TBC1D22A: variants seen among roughly 807,000 people sequenced by gnomAD.
The protein encoded by TBC1D22A is putative GTPase activator.
Under a neutral mutation model 60.2 loss-of-function variants are expected in TBC1D22A, and 38 were observed. The observed-to-expected ratio is 0.63, with a 90% CI of 0.49 to 0.83. The LOEUF is 0.83. Ranked by LOEUF, TBC1D22A falls within the 40% of genes least tolerant of loss-of-function variation. TBC1D22A has a pLI of 0.00. For missense variants in TBC1D22A, 628 were observed against 701.0 expected, an observed-to-expected ratio of 0.90 and a Z score of 1.18; for synonymous variants, 302 against 281.7, an observed-to-expected ratio of 1.07 and a Z score of -0.72.
chr22:46,920,973 G>T (rs2070724180), intron 8 of TBC1D22A, among the ~76,000 whole-genome samples: 1 of 151,878 alleles, frequency 6.6e-6, no homozygotes, highest in Non-Finnish European at 1.5e-5. Flanking sequence ...GTTTTACCAT[G>T]TTGGCCAGGC....
chr22:46,913,686 A>G, intron 8 of TBC1D22A: 1 of 985,438 alleles, frequency 1.0e-6, no homozygotes, highest in East Asian at 1.1e-4. Context: ...TAGACTTCAG[A>G]GTTGTTAATT....
intron 4 of TBC1D22A, among the ~76,000 whole-genome samples, chr22:46,802,618 C>T (rs1363624466): frequency 6.6e-6 from 1 of 152,290 alleles, no homozygotes; most frequent in African/African-American, 2.4e-5. Flanking sequence ...TTACTTCGAG[C>T]ACAGCATGAA....
At chr22:46,874,405 T>C (rs1032433306) in intron 4 of TBC1D22A, among the ~76,000 whole-genome samples, 2 of 152,094 alleles carry the variant, frequency 1.3e-5, no homozygotes, top group Non-Finnish European at 2.9e-5. Context: ...CCACAGACAG[T>C]GTAAAGGTGT....
At chr22:46,964,758 G>C (rs770607421) in intron 8 of TBC1D22A, among the ~76,000 whole-genome samples, 2 of 152,184 alleles carry the variant, frequency 1.3e-5, no homozygotes, top group Non-Finnish European at 2.9e-5. Context: ...GAAATGTATC[G>C]GTTCTGGATG....
chr22:46,912,814 C>T (rs1216508529), intron 8 of TBC1D22A, among the ~76,000 whole-genome samples: 2 of 152,208 alleles, frequency 1.3e-5, no homozygotes, highest in Non-Finnish European at 2.9e-5. Context: ...CTTCGCCTCC[C>T]AAAGTGCTGG....
At chr22:46,789,491 C>T (rs1248286518) in intron 1 of TBC1D22A, 6 of 307,234 alleles carry the variant, frequency 2.0e-5, no homozygotes, top group East Asian at 1.3e-4. Flanking sequence ...CTGTAAGGGC[C>T]GGAATAGTTT....
intron 12 of TBC1D22A, among the ~76,000 whole-genome samples, chr22:47,142,551 C>T (rs1215702281): frequency 3.1e-5 from 4 of 128,040 alleles, no homozygotes; most frequent in South Asian, 2.8e-4. Context: ...TCCATCCACC[C>T]ACCCACCCAT....
chr22:47,135,697 G>A (rs1601627087), intron 12 of TBC1D22A, among the ~76,000 whole-genome samples: 1 of 152,244 alleles, frequency 6.6e-6, no homozygotes, highest in Non-Finnish European at 1.5e-5. Context: ...ATCGCCCAGA[G>A]ATCCTGGTGC....
intron 12 of TBC1D22A, among the ~76,000 whole-genome samples, chr22:47,154,464 C>A (rs1021578176): frequency 6.6e-6 from 1 of 152,174 alleles, no homozygotes; most frequent in Non-Finnish European, 1.5e-5. Flanking sequence ...GACTCTTTGA[C>A]TGCAGTTTTC....
Position 47,155,490 on chromosome 22 carries a change from T to G in TBC1D22A, c.1426-18008T>G, listed in dbSNP as rs757190382. ...CCTGCACTCCGGGCTCCCAGGATGGTCTGGGAGTGGGAGAGAGGGAGGGAG... is the reference window on the plus strand; with the variant it reads ...CCTGCACTCCGGGCTCCCAGGATGGGCTGGGAGTGGGAGAGAGGGAGGGAG... On this transcript the variant is annotated intron_variant, in intron 12 of 12. Coordinates refer to ENST00000337137, the MANE Select transcript of TBC1D22A (RefSeq NM_014346.5). Among the ~76,000 whole-genome samples the G allele has an allele frequency of 2.6e-5, 4 of 152,120 alleles. No homozygotes were observed. The South Asian group carries it at 8.3e-4, about 32-fold the overall frequency.
chr22:46,941,154 C>A, intron 8 of TBC1D22A, among the ~76,000 whole-genome samples: 1 of 113,304 alleles, frequency 8.8e-6, no homozygotes, highest in Non-Finnish European at 1.7e-5. Flanking sequence ...CACAGTCCAC[C>A]CTTGAACAGC....
At chr22:46,988,970 T>G (rs903748686) in intron 9 of TBC1D22A, among the ~76,000 whole-genome samples, 1 of 152,236 alleles carries the variant, frequency 6.6e-6, no homozygotes, top group African/African-American at 2.4e-5. Flanking sequence ...CCTTCGTCAG[T>G]TATCTTGGCT....
At chr22:46,989,865 C>T (rs1436308518) in intron 9 of TBC1D22A, among the ~76,000 whole-genome samples, 2 of 151,840 alleles carry the variant, frequency 1.3e-5, no homozygotes, top group Non-Finnish European at 2.9e-5. Context: ...TGCAGTGATG[C>T]GATCTCAGCT....
At chr22:46,894,698 AC>A in intron 6 of TBC1D22A, 85 bp from the exon 7 acceptor site, 1 of 1,506,574 alleles carries the variant, frequency 6.6e-7, no homozygotes, top group Non-Finnish European at 9.2e-7. Context: ...GGAAGGACTT[AC>A]CTCAGTATTG....
intron 8 of TBC1D22A, among the ~76,000 whole-genome samples, chr22:46,941,778 G>GGAATATATATAGAATATATA (rs1309729647): frequency 2.4e-5 from 3 of 126,202 alleles, no homozygotes; most frequent in South Asian, 4.7e-4. Flanking sequence ...ATATGTATAC[G>GGAATATATATAGAATATATA]GAATATATAT....
intron 10 of TBC1D22A, among the ~76,000 whole-genome samples, chr22:47,004,496 TAC>T (rs1263381796): frequency 6.8e-6 from 1 of 147,412 alleles, no homozygotes; most frequent in Admixed American, 6.7e-5. Flanking sequence ...CACATGCCTA[TAC>T]ACACACACTA....
At chr22:46,791,259 C>T (rs147726883) in intron 1 of TBC1D22A, among the ~76,000 whole-genome samples, 3 of 152,172 alleles carry the variant, frequency 2.0e-5, no homozygotes, top group Non-Finnish European at 2.9e-5. Flanking sequence ...TGAGCTCAAG[C>T]GATCCGCCCA....
chr22:46,825,704 C>A (rs979496576), intron 4 of TBC1D22A, among the ~76,000 whole-genome samples: 1 of 151,996 alleles, frequency 6.6e-6, no homozygotes, highest in Non-Finnish European at 1.5e-5. Context: ...GAATTTCTGG[C>A]CTTAAGTGAT....
intron 12 of TBC1D22A, among the ~76,000 whole-genome samples, chr22:47,130,460 A>G (rs1325578240): frequency 6.6e-6 from 1 of 152,306 alleles, no homozygotes; most frequent in East Asian, 1.9e-4. Context: ...ACATGTCTGG[A>G]TACCGCTGCC....
Sources: gnomAD v4.1 joint callset for allele counts (sites outside exome capture counted in the v4.1 genomes callset) on GRCh38, gnomAD v4.1.1 for gene constraint, MANE v1.5 for transcripts, NCBI Gene and HGNC (gene_info 2026-07-23, HGNC 2026-07-21) for gene names.